Variants in ICE1 observed in about 807,000 individuals in gnomAD.
ICE1 encodes the protein interactor of little elongation complex ELL subunit 1.
In ICE1, 64 loss-of-function variants were observed where a neutral mutation model predicts 192.7. That is an observed-to-expected ratio of 0.33 (90% confidence interval 0.27 to 0.41). ICE1 has a LOEUF of 0.41. ICE1 is among the 10% of genes least tolerant of loss of function. ICE1 has a pLI of 1.00. For synonymous variants in ICE1, 1,010 were observed against 984.5 expected, an observed-to-expected ratio of 1.03 and a Z score of -0.49; for missense variants, 2,708 against 2,696.0, an observed-to-expected ratio of 1.00 and a Z score of -0.10.
intron 10 of ICE1, among the ~76,000 whole-genome samples, chr5:5,453,531 A>T (rs753870419): frequency 6.6e-6 from 1 of 152,176 alleles, no homozygotes; most frequent in Non-Finnish European, 1.5e-5. Flanking sequence ...GATTTCACTA[A>T]TATCAGTAAA....
chr5:5,444,227 T>C (rs1223756716), intron 6 of ICE1, 62 bp from the exon 7 acceptor site: 9 of 1,035,934 alleles, frequency 8.7e-6, no homozygotes, highest in Non-Finnish European at 1.2e-5. Context: ...CCACAAATTA[T>C]AAGGCATATT....
intron 11 of ICE1, 55 bp downstream of exon 11, chr5:5,454,693 C>A: frequency 1.5e-6 from 2 of 1,327,554 alleles, no homozygotes; most frequent in Non-Finnish European, 2.2e-6. Context: ...AGAGCTTAAC[C>A]ATAGGCATAG....
chr5:5,470,857 C>CA (rs1390624138), intron 15 of ICE1, among the ~76,000 whole-genome samples: 2 of 152,128 alleles, frequency 1.3e-5, no homozygotes, highest in Non-Finnish European at 2.9e-5. Context: ...AGTAAAATCA[C>CA]AGTCTTAAAA....
At chr5:5,446,180 A>T (rs1294926205) in intron 7 of ICE1, among the ~76,000 whole-genome samples, 3 of 148,800 alleles carry the variant, frequency 2.0e-5, no homozygotes, top group Admixed American at 6.7e-5. Context: ...TGCCTTTTAA[A>T]TTTTTTGTAG....
intron 11 of ICE1, among the ~76,000 whole-genome samples, chr5:5,455,660 T>G (rs1296790369): frequency 6.6e-6 from 1 of 152,260 alleles, no homozygotes; most frequent in Non-Finnish European, 1.5e-5. Context: ...ACATGGTATC[T>G]TTGGAATCTT....
intron 15 of ICE1, among the ~76,000 whole-genome samples, chr5:5,472,116 A>G (rs1739171117): frequency 1.3e-5 from 2 of 152,216 alleles, no homozygotes; most frequent in Admixed American, 6.5e-5. Flanking sequence ...TTCCTAAATA[A>G]TCTTATTTAC....
intron 11 of ICE1, among the ~76,000 whole-genome samples, chr5:5,456,348 A>G (rs1035809942): frequency 3.3e-5 from 5 of 152,188 alleles, no homozygotes; most frequent in Admixed American, 3.3e-4. Context: ...TGCCTGCTAT[A>G]ATTACTGCTT....
At chr5:5,486,570 A>G (rs549052957) in intron 17 of ICE1, 151 bp from the exon 18 acceptor site, 12 of 563,116 alleles carry the variant, frequency 2.1e-5, no homozygotes, top group Non-Finnish European at 3.8e-5. Flanking sequence ...TTGGAAAGCA[A>G]CACATTGTAT....
chr5:5,462,908 T>C lies in ICE1; in HGVS notation c.3574T>C (p.Ser1192Pro). ...CQLGDYSSGD[S>P]VSECSSKGTL... is the part of the protein sequence containing the mutation. ...GTTAGGGGATTATAGTTCAGGGGAC[T>C]CTGTTTCTGAATGTTCTAGTAAAGG... The change falls in exon 13 of 19, where the codon TCT becomes CCT. Residue 1192 changes from serine (S) to proline (P), a missense_variant. This residue lies in a region of ICE1 where 2,366 missense variants were observed against 2,276.6 expected (regional missense o/e 1.04). Transcript: ENST00000296564. 6.2e-7 allele frequency: 1 copy of C among 1,608,958 alleles called. No homozygotes were observed. Among genetic ancestry groups the C allele is most frequent in the African/African-American group, 1.3e-5 (1 of 74,996 alleles).
In ICE1 at chr5:5,436,913, G is replaced by A. The variant is rs578190965; in HGVS notation, c.144-167G>A. Reference sequence around the variant, plus strand: ...CTAAATAAAAGGCTTGTATATCAACGTGATGCTTTTGAGAAATTTAAGGTG... The same window carrying A: ...CTAAATAAAAGGCTTGTATATCAACATGATGCTTTTGAGAAATTTAAGGTG... On this transcript the variant is annotated intron_variant, in intron 2 of 18. Coordinates refer to ENST00000296564, the MANE Select transcript of ICE1 (RefSeq NM_015325.3). Among the ~76,000 whole-genome samples, 17 of 152,210 alleles carry A rather than the reference G, an allele frequency of 1.1e-4. 1 individual carries two copies. The East Asian group carries it at 3.3e-3, about 29-fold the overall frequency.
chr5:5,464,986 T>C lies in ICE1; in HGVS notation c.5652T>C (p.Asn1884=). The change falls in exon 13 of 19, where the codon AAT becomes AAC. Residue 1884 remains asparagine, a synonymous_variant. Coordinates refer to ENST00000296564, the MANE Select transcript of ICE1 (RefSeq NM_015325.3). The surrounding 1 kb of genome is among the most constrained non-coding windows in gnomAD (Gnocchi z 4.0). ...NLPPAEVATT[N]EERSCSSPAV... ...CTCCAGCTGAAGTTGCAACAACAAA[T>C]GAGGAAAGAAGTTGTTCTAGTCCAG... The C allele has an allele frequency of 6.2e-7, 1 of 1,613,804 alleles. No individual in the cohort carries two copies. Among genetic ancestry groups the C allele is most frequent in the Non-Finnish European group, 8.5e-7 (1 of 1,179,820 alleles).
At chr5:5,436,709 C>T (rs370868023) in intron 2 of ICE1, among the ~76,000 whole-genome samples, 1 of 152,308 alleles carries the variant, frequency 6.6e-6, no homozygotes, top group South Asian at 2.1e-4. Flanking sequence ...TTTTACCAAA[C>T]TGGACTTCTT....
chr5:5,442,773 C>T (rs1239335707), intron 5 of ICE1, among the ~76,000 whole-genome samples: 2 of 152,160 alleles, frequency 1.3e-5, no homozygotes, highest in East Asian at 1.9e-4. Flanking sequence ...CACATTTTCC[C>T]CAGTTATCAT....
intron 3 of ICE1, among the ~76,000 whole-genome samples, chr5:5,438,978 T>G (rs1472434694): frequency 6.6e-6 from 1 of 152,218 alleles, no homozygotes; most frequent in Non-Finnish European, 1.5e-5. Context: ...TAACATGGCT[T>G]TTAAAAATAT....
At position 5,462,305 on chromosome 5, in the gene ICE1, G is replaced by T. The variant is rs745425472; in HGVS notation, c.2971G>T (p.Asp991Tyr). The T allele has an allele frequency of 1.9e-6, 3 of 1,613,926 alleles. No homozygotes were observed. The East Asian group carries it at 6.7e-5, about 36-fold the overall frequency. The part of the protein sequence containing the change: ...GQKQRQPQAT[D>Y]LDSSGTHGSE... ...GAAGCAAAGGCAGCCTCAGGCCACA[G>T]ATCTGGACTCCAGTGGGACACATGG... Residue 991 changes from aspartate to tyrosine, a missense_variant, in exon 13 of 19, where the codon GAT becomes TAT. By Grantham distance (160) the Asp-to-Tyr change is radical. Transcript: ENST00000296564.
In ICE1 at chr5:5,462,437, G is replaced by C. The variant is rs1738822803; in HGVS notation, c.3103G>C (p.Ala1035Pro). The stretch of plus-strand genomic sequence containing the variant: ...ATCTGGTGGTGAGGCCCTGGCTGTT[G>C]CAAATGATTCTACCAGCACACCACA... The part of the protein sequence containing the change: ...GRSGGEALAV[A>P]NDSTSTPQNA... The change falls in exon 13 of 19, where the codon GCA (alanine) becomes CCA (proline). Residue 1035 changes from alanine to proline, a missense_variant. By Grantham distance (27) the Ala-to-Pro change is conservative (BLOSUM62 -1). Coordinates refer to ENST00000296564, the MANE Select transcript of ICE1 (RefSeq NM_015325.3). 1 of 1,614,010 alleles carries C rather than the reference G, an allele frequency of 6.2e-7. No homozygotes were observed. The highest frequency in any genetic ancestry group is 1.3e-5 in the African/African-American group (1 of 75,052).
At chr5:5,423,085 G>C (rs1289264063) in intron 1 of ICE1, 86 bp downstream of exon 1, 2 of 850,942 alleles carry the variant, frequency 2.4e-6, no homozygotes, top group Admixed American at 4.4e-5. Flanking sequence ...CGGCCGCGCG[G>C]GCTGTGCCTC....
chr5:5,478,954 G>A (rs549457825), intron 17 of ICE1, among the ~76,000 whole-genome samples: 2 of 152,134 alleles, frequency 1.3e-5, no homozygotes, highest in South Asian at 4.2e-4. Context: ...AACTTAAGAT[G>A]GATTAAAGAC....
At chr5:5,471,223 C>CT (rs1739147694) in intron 15 of ICE1, among the ~76,000 whole-genome samples, 1 of 152,134 alleles carries the variant, frequency 6.6e-6, no homozygotes, top group African/African-American at 2.4e-5. Context: ...GAGAAGACTA[C>CT]TACCTGCAGT....
Sources: gnomAD v4.1 joint callset for allele counts (sites outside exome capture counted in the v4.1 genomes callset) on GRCh38, gnomAD v4.1.1 for gene constraint, gnomAD v4.1.1 regional missense constraint, Gnocchi (gnomAD v3.1) non-coding constraint, MANE v1.5 for transcripts, NCBI Gene and HGNC (gene_info 2026-07-23, HGNC 2026-07-21) for gene names.